The following FUBP1 variants were observed in gnomAD, a reference collection of about 807,000 sequenced individuals.
FUBP1 encodes far upstream element binding protein 1.
Under a neutral mutation model 94.9 loss-of-function variants are expected in FUBP1, and 16 were observed. That is an observed-to-expected ratio of 0.17 (90% CI 0.11 to 0.26). The LOEUF is 0.26. Ranked by LOEUF, FUBP1 falls within the 10% of genes least tolerant of loss-of-function variation. The pLI, the probability that FUBP1 is intolerant of heterozygous loss-of-function variation, is 1.00. For synonymous variants in FUBP1, 279 were observed against 254.9 expected, an observed-to-expected ratio of 1.09 and a Z score of -0.90; for missense variants, 583 against 808.6, an observed-to-expected ratio of 0.72 and a Z score of 3.38.
chr1:77,974,229 G>A (rs921015497), intron 1 of FUBP1, among the ~76,000 whole-genome samples: 7 of 146,152 alleles, frequency 4.8e-5, no homozygotes, highest in East Asian at 2.0e-4. Context: ...TCCACCTCCC[G>A]GGTTCACGCC....
intron 17 of FUBP1, 35 bp from the exon 18 acceptor site, chr1:77,955,364 A>C (rs372812029): frequency 7.6e-7 from 1 of 1,323,820 alleles, no homozygotes; most frequent in African/African-American, 1.5e-5. Context: ...AAACAGAATT[A>C]AAGTTTTTAA....
intron 17 of FUBP1, 107 bp from the exon 18 acceptor site, chr1:77,955,436 A>G: frequency 1.5e-6 from 1 of 679,244 alleles, no homozygotes; most frequent in Non-Finnish European, 2.7e-6. Context: ...TGTGACAGTG[A>G]GGGTAGGAGG....
Position 77,944,573 on chromosome 1 carries a change from A to T in FUBP1, c.*4193T>A, listed in dbSNP as rs1050382931. On this transcript the variant is annotated 3_prime_UTR_variant, in exon 20 of 20. Transcript: ENST00000370768. ...GTGAGGCAGAGTTTGCAGAAAATAA[A>T]AACAAGACATCCTCACTGATTAGTA... Among the ~76,000 whole-genome samples the T allele has an allele frequency of 2.7e-4, 41 of 151,944 alleles. No individual in the cohort carries two copies. The highest frequency in any genetic ancestry group is 5.7e-4 in the Non-Finnish European group (39 of 67,848).
intron 1 of FUBP1, 64 bp from the exon 2 acceptor site, chr1:77,970,079 C>A (rs2102456939): frequency 1.4e-6 from 1 of 710,632 alleles, no homozygotes. Context: ...TAAATTACCC[C>A]CATTTACTTC....
chr1:77,970,158 T>C (rs999509566), intron 1 of FUBP1, 143 bp from the exon 2 acceptor site: 6 of 448,110 alleles, frequency 1.3e-5, no homozygotes, highest in Non-Finnish European at 2.0e-5. Context: ...AAAATTATAG[T>C]TCAATTTATT....
chr1:77,968,981 C>T (rs768668451), intron 2 of FUBP1: 14 of 686,884 alleles, frequency 2.0e-5, no homozygotes, highest in African/African-American at 7.5e-5. Context: ...GTTTATTTCA[C>T]GTTTACATAC....
intron 18 of FUBP1, among the ~76,000 whole-genome samples, chr1:77,951,081 G>GT (rs1258385746): frequency 6.6e-6 from 1 of 152,194 alleles, no homozygotes; most frequent in East Asian, 1.9e-4. Flanking sequence ...AAAAACTGGT[G>GT]TGACAATAGC....
chr1:77,949,791 T>A (rs1653015846), intron 18 of FUBP1, among the ~76,000 whole-genome samples: 1 of 152,162 alleles, frequency 6.6e-6, no homozygotes, highest in African/African-American at 2.4e-5. Flanking sequence ...AGGCAATGAT[T>A]TAAAGACTGT....
In FUBP1 at chr1:77,948,190, A is replaced by G. The variant is rs538613494; in HGVS notation, c.*576T>C. 2.2e-5 allele frequency: 23 copies of G among 1,047,028 alleles called. No individual in the cohort carries two copies. Among genetic ancestry groups the G allele is most frequent in the African/African-American group, 1.0e-4 (6 of 60,224 alleles). 64.9% of individuals were successfully genotyped at this position (1,047,028 alleles called of 1,614,324 possible). The stretch of plus-strand genomic sequence containing the variant: ...TCAAACAGAAGGAAAAAAAATGAAG[A>G]TATCAGGATTACTTGTGCTGAAAGA... On this transcript the variant is annotated 3_prime_UTR_variant, in exon 20 of 20. Coordinates refer to ENST00000370768, the MANE Select transcript of FUBP1 (RefSeq NM_003902.5).
intron 16 of FUBP1, among the ~76,000 whole-genome samples, chr1:77,957,404 T>G (rs1237676771): frequency 6.6e-6 from 1 of 152,184 alleles, no homozygotes; most frequent in Non-Finnish European, 1.5e-5. Context: ...CACAACACAG[T>G]GCTTGTACTT....
chr1:77,967,630 T>C lies in FUBP1; in HGVS notation c.287A>G (p.Gln96Arg). The stretch of plus-strand genomic sequence containing the variant: ...TTTGAAAATCTTGTGACTATACCTT[T>C]GCTGCTGATGCATCGGTGGTAACTG... ...GTQLPPMHQQ[Q>R]SRSVMTEEYK... The change falls in exon 4 of 20, where the codon CAA (glutamine) becomes CGA (arginine). Residue 96 changes from glutamine (Q) to arginine (R), a missense_variant. Transcript: ENST00000370768. The C allele has an allele frequency of 6.3e-7, 1 of 1,594,652 alleles. No homozygotes were observed. The highest frequency in any genetic ancestry group is 8.6e-7 in the Non-Finnish European group (1 of 1,166,492).
intron 1 of FUBP1, among the ~76,000 whole-genome samples, chr1:77,977,280 C>T (rs1198985523): frequency 6.6e-6 from 1 of 152,074 alleles, no homozygotes; most frequent in Non-Finnish European, 1.5e-5. Flanking sequence ...CCAAGACGGG[C>T]GGATCACGAG....
intron 18 of FUBP1, among the ~76,000 whole-genome samples, chr1:77,952,695 A>G (rs1653705236): frequency 6.6e-6 from 1 of 152,242 alleles, no homozygotes; most frequent in Non-Finnish European, 1.5e-5. Flanking sequence ...TCCTGATGAC[A>G]GGTAAGGTAC....
intron 16 of FUBP1, among the ~76,000 whole-genome samples, chr1:77,958,612 G>A (rs1654906973): frequency 2.0e-5 from 3 of 152,192 alleles, no homozygotes; most frequent in South Asian, 4.1e-4. Flanking sequence ...TTGCCCAAAG[G>A]CCATGCTGCA....
rs1394775194 is a variant in FUBP1 at position 77,965,108 on chromosome 1, T to C, written c.597A>G (p.Leu199=). Residue 199 remains leucine (L), a synonymous_variant, in exon 8 of 20, where the codon TTA becomes TTG. Coordinates refer to ENST00000370768, the MANE Select transcript of FUBP1 (RefSeq NM_003902.5). Reference sequence around the variant, plus strand: ...TAGTTTCTCCCCCTTTTCCAATGACTAATCCTGCCTTGCTAGCTGGAATCA... The same window carrying C: ...TAGTTTCTCCCCCTTTTCCAATGACCAATCCTGCCTTGCTAGCTGGAATCA... The part of the protein sequence containing the change: ...EIMIPASKAG[L]VIGKGGETIK... 34 of 1,612,412 alleles carry C rather than the reference T, an allele frequency of 2.1e-5. No homozygotes were observed. The highest frequency in any genetic ancestry group is 2.8e-5 in the Non-Finnish European group (33 of 1,178,598).
chr1:77,963,864 A>T, intron 12 of FUBP1, 149 bp from the exon 13 acceptor site: 1 of 722,246 alleles, frequency 1.4e-6, no homozygotes, highest in Non-Finnish European at 2.3e-6. Flanking sequence ...AACATTTTTT[A>T]AAATACAAGA....
Position 77,963,602 on chromosome 1 carries a change from A to T in FUBP1, c.1155T>A (p.Thr385=), listed in dbSNP as rs1321277813. 1 of 1,592,544 alleles carries T rather than the reference A, an allele frequency of 6.3e-7. No homozygotes were observed. Among genetic ancestry groups the T allele is most frequent in the East Asian group, 2.2e-5 (1 of 44,736 alleles). ...TTCCTATTATTAATCCAGTTTTCCC[A>T]GTTGGCACAATAAAATTAAATTCCT... The part of the protein sequence containing the change: ...GLQEFNFIVP[T]GKTGLIIGKG... Residue 385 remains threonine, a synonymous_variant, in exon 13 of 20, where the codon ACT becomes ACA. Coordinates refer to ENST00000370768, the MANE Select transcript of FUBP1 (RefSeq NM_003902.5).
At chr1:77,978,256 TGA>T (rs1266532547) in intron 1 of FUBP1, among the ~76,000 whole-genome samples, 4 of 152,232 alleles carry the variant, frequency 2.6e-5, no homozygotes, top group Non-Finnish European at 5.9e-5. Context: ...GACTCTGAAC[TGA>T]GAGGCAGATT....
In FUBP1 at chr1:77,949,278, A is replaced by C. The variant is rs1652863859; in HGVS notation, c.1803T>G (p.Thr601=). The stretch of plus-strand genomic sequence containing the variant: ...CTGGCTGACCACCTGGAGGAGCCCC[A>C]GTCGGAGCAGGAACTGCCTGACCTT... ...KKMGQAVPAP[T]GAPPGGQPDY... The change falls in exon 19 of 20, where the codon ACT becomes ACG. Residue 601 remains threonine (T), a synonymous_variant. Transcript: ENST00000370768. 6.2e-7 allele frequency: 1 copy of C among 1,613,762 alleles called. No individual in the cohort carries two copies. The highest frequency in any genetic ancestry group is 1.3e-5 in the African/African-American group (1 of 74,922).
Sources: gnomAD v4.1 joint callset for allele counts (sites outside exome capture counted in the v4.1 genomes callset) on GRCh38, gnomAD v4.1.1 for gene constraint, MANE v1.5 for transcripts, NCBI Gene and HGNC (gene_info 2026-07-23, HGNC 2026-07-21) for gene names.